SLC10A7: variants seen among roughly 807,000 people sequenced by gnomAD.
The protein encoded by SLC10A7 is sodium/bile acid cotransporter 7.
A neutral mutation model predicts 43.2 loss-of-function variants in SLC10A7; 29 were observed. The observed-to-expected ratio is 0.67, with a 90% CI of 0.50 to 0.92. The LOEUF (loss-of-function observed/expected upper bound fraction) is 0.92. SLC10A7 is among the 40% of genes least tolerant of loss of function. SLC10A7 has a pLI of 0.00. For missense variants in SLC10A7, 295 were observed against 403.2 expected (o/e 0.73, Z 2.30); for synonymous variants, 152 against 144.8 (o/e 1.05, Z -0.35).
At chr4:146,287,086 C>CGAGTGGTGAGAAGGACCGAGTCTG (rs1560764746) in intron 9 of SLC10A7, among the ~76,000 whole-genome samples, 5 of 31,798 alleles carry the variant, frequency 1.6e-4, no homozygotes, top group African/African-American at 5.5e-4. Context: ...GACTGTGTTT[C>CGAGTGGTGAGAAGGACCGAGTCTG]GAGTGGTGAG....
At chr4:146,470,555 C>G (rs917859397) in intron 4 of SLC10A7, among the ~76,000 whole-genome samples, 2 of 152,046 alleles carry the variant, frequency 1.3e-5, no homozygotes, top group African/African-American at 4.8e-5. Context: ...TATTTAAAGT[C>G]AAATGCACAA....
intron 5 of SLC10A7, among the ~76,000 whole-genome samples, chr4:146,384,528 A>G (rs1220760729): frequency 1.3e-5 from 2 of 152,140 alleles, no homozygotes; most frequent in Non-Finnish European, 2.9e-5. Context: ...CAAAAAGCCA[A>G]TGATAAACTA....
chr4:146,343,297 G>A (rs1480747593), intron 5 of SLC10A7, among the ~76,000 whole-genome samples: 2 of 152,034 alleles, frequency 1.3e-5, no homozygotes, highest in Non-Finnish European at 2.9e-5. Context: ...CAAGGTGAAT[G>A]TGCAGATTGG....
At chr4:146,280,231 C>T (rs767774662) in intron 10 of SLC10A7, among the ~76,000 whole-genome samples, 4 of 152,106 alleles carry the variant, frequency 2.6e-5, no homozygotes, top group Non-Finnish European at 5.9e-5. Context: ...ATAGTGACTG[C>T]AAATGGAAAG....
chr4:146,344,975 C>T (rs541769687), intron 5 of SLC10A7, among the ~76,000 whole-genome samples: 4 of 152,076 alleles, frequency 2.6e-5, no homozygotes, highest in South Asian at 2.1e-4. Flanking sequence ...TAAAGGAGTT[C>T]GAAAAGTTGG....
chr4:146,457,707 C>T (rs1579237882), intron 4 of SLC10A7, among the ~76,000 whole-genome samples: 2 of 152,018 alleles, frequency 1.3e-5, no homozygotes, highest in East Asian at 3.9e-4. Context: ...ATATTGTAGA[C>T]AGCATTATGT....
intron 2 of SLC10A7, among the ~76,000 whole-genome samples, chr4:146,515,328 T>G (rs1737845544): frequency 6.6e-6 from 1 of 152,174 alleles, no homozygotes. Flanking sequence ...CCAAGCAAGA[T>G]CAGTCCAACA....
intron 5 of SLC10A7, among the ~76,000 whole-genome samples, chr4:146,384,506 A>G (rs1355999468): frequency 6.6e-6 from 1 of 152,114 alleles, no homozygotes; most frequent in Non-Finnish European, 1.5e-5. Context: ...GTTCCTTGAA[A>G]GAACACATGG....
rs1179756815 is a variant in SLC10A7, at chr4:146,394,110, G to T, written c.435+48673C>A. Among the ~76,000 whole-genome samples the T allele has an allele frequency of 2.6e-5, 4 of 152,244 alleles. No homozygotes were observed. In the East Asian group the frequency reaches 5.8e-4, roughly 22 times the overall value. ...TCAGGAAATCTAATCAGCACAATTG[G>T]AAGTTTTCTTGAACTTGATATGTAA... On this transcript the variant is annotated intron_variant, in intron 5 of 11. Transcript: ENST00000335472.
chr4:146,428,811 T>C (rs1206826889), intron 5 of SLC10A7, among the ~76,000 whole-genome samples: 1 of 152,168 alleles, frequency 6.6e-6, no homozygotes, highest in East Asian at 1.9e-4. Context: ...GTGAAATCAT[T>C]CTCTACAATG....
At chr4:146,495,667 A>T (rs1735817941) in intron 4 of SLC10A7, among the ~76,000 whole-genome samples, 1 of 152,028 alleles carries the variant, frequency 6.6e-6, no homozygotes. Flanking sequence ...TTCATCTATG[A>T]CTTAAAGACT....
At chr4:146,441,509 G>A (rs1408477823) in intron 5 of SLC10A7, among the ~76,000 whole-genome samples, 1 of 152,122 alleles carries the variant, frequency 6.6e-6, no homozygotes, top group African/African-American at 2.4e-5. Flanking sequence ...GATGTGTATG[G>A]TGCCAAATCA....
chr4:146,436,560 CT>C (rs1309910500), intron 5 of SLC10A7, among the ~76,000 whole-genome samples: 2 of 152,018 alleles, frequency 1.3e-5, no homozygotes, highest in Non-Finnish European at 2.9e-5. Context: ...TAATTCACTT[CT>C]TTGATGGCGT....
intron 5 of SLC10A7, among the ~76,000 whole-genome samples, chr4:146,382,743 A>G (rs932243391): frequency 3.3e-5 from 5 of 152,144 alleles, no homozygotes; most frequent in African/African-American, 1.2e-4. Context: ...AGTACTCCAA[A>G]TGTGTTTAAA....
At chr4:146,265,136 C>CCAT (rs1728474774) in intron 10 of SLC10A7, among the ~76,000 whole-genome samples, 2 of 152,230 alleles carry the variant, frequency 1.3e-5, no homozygotes, top group Admixed American at 1.3e-4. Context: ...TCTGCCTGCA[C>CCAT]CATCTCCTTT....
intron 10 of SLC10A7, among the ~76,000 whole-genome samples, chr4:146,274,498 C>T (rs550476162): frequency 6.6e-6 from 1 of 152,270 alleles, no homozygotes; most frequent in Admixed American, 6.5e-5. Context: ...GCCACCGTGC[C>T]TGGCCTAGAT....
intron 4 of SLC10A7, among the ~76,000 whole-genome samples, chr4:146,461,788 A>G (rs1732558446): frequency 6.6e-6 from 1 of 150,786 alleles, no homozygotes; most frequent in Non-Finnish European, 1.5e-5. Flanking sequence ...AAAAAAAAAA[A>G]GATAGGCTAG....
intron 10 of SLC10A7, among the ~76,000 whole-genome samples, chr4:146,280,967 T>C (rs912523823): frequency 4.6e-5 from 7 of 152,144 alleles, no homozygotes; most frequent in African/African-American, 1.4e-4. Flanking sequence ...AGCCTATGTC[T>C]ATCATGTTAT....
At chr4:146,519,582 T>C (rs1296253611) in intron 1 of SLC10A7, among the ~76,000 whole-genome samples, 2 of 152,072 alleles carry the variant, frequency 1.3e-5, no homozygotes. Flanking sequence ...TACATTATCT[T>C]TATATTTGTT....
Sources: gnomAD v4.1 joint callset for allele counts (sites outside exome capture counted in the v4.1 genomes callset) on GRCh38, gnomAD v4.1.1 for gene constraint, MANE v1.5 for transcripts, NCBI Gene and HGNC (gene_info 2026-07-23, HGNC 2026-07-21) for gene names.